THBS1: variants seen among roughly 807,000 people sequenced by gnomAD.
THBS1 encodes the protein thrombospondin 1.
In THBS1, 29 loss-of-function variants were observed where a neutral mutation model predicts 126.1. The ratio of observed to expected loss-of-function variants is 0.23; its 90% confidence interval spans 0.17 to 0.31. The LOEUF is 0.31. Ranked by LOEUF, THBS1 falls within the 10% of genes least tolerant of loss-of-function variation. The pLI is 1.00. For missense variants in THBS1, 1,198 were observed against 1,545.2 expected (o/e 0.78, Z 3.77); for synonymous variants, 496 against 577.8 (o/e 0.86, Z 2.03).
chr15:39,583,806 C>T, intron 4 of THBS1, 114 bp downstream of exon 4: 6 of 1,287,990 alleles, frequency 4.7e-6, no homozygotes, highest in Non-Finnish European at 6.6e-6. Context: ...GTGAGATCAT[C>T]AAGAGGCATA....
Position 39,593,605 on chromosome 15 carries a change from C to T in THBS1, c.3204C>T (p.Ser1068=), listed in dbSNP as rs759587446. 12 of 1,614,212 alleles carry T rather than the reference C, an allele frequency of 7.4e-6. No homozygotes were observed. Among genetic ancestry groups the T allele is most frequent in the Non-Finnish European group, 1.0e-5 (12 of 1,180,034 alleles). ...YSGLSVKVVN[S]TTGPGEHLRN... Reference sequence around the variant, plus strand: ...GCCTTTCTGTGAAAGTTGTAAACTCCACCACAGGGCCTGGCGAGCACCTGC... The same window carrying T: ...GCCTTTCTGTGAAAGTTGTAAACTCTACCACAGGGCCTGGCGAGCACCTGC... Residue 1068 remains serine (S), a synonymous_variant, in exon 19 of 22, where the codon TCC becomes TCT. Coordinates refer to ENST00000260356, the MANE Select transcript of THBS1 (RefSeq NM_003246.4). This position sits in a 1 kb window ranked among gnomAD's most constrained non-coding sequence, Gnocchi z 5.9.
rs1890331325 is a variant in THBS1, at chr15:39,591,676, T to C, written c.2532+53T>C. The C allele has an allele frequency of 2.0e-6, 3 of 1,489,534 alleles. No individual in the cohort carries two copies. The Admixed American group carries it at 5.0e-5, about 25-fold the overall frequency. The allele number at this position is 1,489,534 out of a possible 1,614,324, so 92.3% of individuals were successfully genotyped here. A position where few individuals can be genotyped will look rare whatever the true frequency, so the allele number is the denominator to read the frequency against. The stretch of plus-strand genomic sequence containing the variant: ...TTTCAGTAAACTGTTGGAATATCCC[T>C]TTCATGGCCTTTGAAAAATGAGCTT... On this transcript the variant is annotated intron_variant, in intron 16 of 21. Transcript: ENST00000260356.
intron 9 of THBS1, 79 bp downstream of exon 9, chr15:39,588,297 G>A (rs1359146006): frequency 6.6e-7 from 1 of 1,517,112 alleles, no homozygotes; most frequent in Non-Finnish European, 8.9e-7. Context: ...GCAGCCTGCA[G>A]TTCAGTGGGT....
At chr15:39,586,003 G>A (rs1175165994) in intron 7 of THBS1, among the ~76,000 whole-genome samples, 1 of 152,192 alleles carries the variant, frequency 6.6e-6, no homozygotes, top group East Asian at 1.9e-4. Flanking sequence ...GTAGGGATAA[G>A]AGGGCCTAAG....
In THBS1 at chr15:39,584,398, T is replaced by C; in HGVS notation, c.1002T>C (p.Asp334=). 6.2e-7 allele frequency: 1 copy of C among 1,614,224 alleles called. No homozygotes were observed. The highest frequency in any genetic ancestry group is 8.5e-7 in the Non-Finnish European group (1 of 1,180,036). ...GAAATAACGAGGAATGGACTGTTGA[T>C]AGCTGCACTGAGTGTCACTGTCAGG... The part of the protein sequence containing the change: ...QYRNNEEWTV[D]SCTECHCQNS... Residue 334 remains aspartate (D), a synonymous_variant, in exon 6 of 22, where the codon GAT becomes GAC. Transcript: ENST00000260356.
Position 39,591,273 on chromosome 15 carries a change from A to G in THBS1, c.2336A>G (p.Tyr779Cys). 6.2e-7 allele frequency: 1 copy of G among 1,614,226 alleles called. No homozygotes were observed. The highest frequency in any genetic ancestry group is 8.5e-7 in the Non-Finnish European group (1 of 1,180,044). ...GGAGACCGCTGTGACAACTGTCCCT[A>G]CAACCACAACCCAGATCAGGCAGAC... ...DVGDRCDNCP[Y>C]NHNPDQADTD... The change falls in exon 15 of 22, where the codon TAC becomes TGC. Residue 779 changes from tyrosine (Y) to cysteine (C), a missense_variant. Transcript: ENST00000260356.
Position 39,581,924 on chromosome 15 carries a change from G to C in THBS1, c.67G>C (p.Glu23Gln). The C allele has an allele frequency of 6.2e-7, 1 of 1,614,100 alleles. No individual in the cohort carries two copies. Among genetic ancestry groups the C allele is most frequent in the Non-Finnish European group, 8.5e-7 (1 of 1,179,994 alleles). ...MHVCGTNRIP[E>Q]SGGDNSVFDI... Reference sequence around the variant, plus strand: ...TGTGTGTGGCACCAACCGCATTCCAGGTGAGTTTGTGTGGCACCTTTAGGG... The same window carrying C: ...TGTGTGTGGCACCAACCGCATTCCACGTGAGTTTGTGTGGCACCTTTAGGG... The change falls in exon 2 of 22, where the codon GAG (glutamate) becomes CAG (glutamine). Residue 23 changes from glutamate to glutamine, a missense_variant and splice_region_variant. Coordinates refer to ENST00000260356, the MANE Select transcript of THBS1 (RefSeq NM_003246.4).
In THBS1 at chr15:39,588,616, A is replaced by G. The variant is rs1410732383; in HGVS notation, c.1562A>G (p.Asn521Ser). 6.2e-7 allele frequency: 1 copy of G among 1,611,312 alleles called. No individual in the cohort carries two copies. Among genetic ancestry groups the G allele is most frequent in the African/African-American group, 1.3e-5 (1 of 74,598 alleles). Reference sequence around the variant, plus strand: ...CAGAAACGTAGTCGTCTCTGCAACAACCCCACACCCCAGTTTGGAGGCAAG... The same window carrying G: ...CAGAAACGTAGTCGTCTCTGCAACAGCCCCACACCCCAGTTTGGAGGCAAG... ...GVQKRSRLCN[N>S]PTPQFGGKDC... Residue 521 changes from asparagine to serine, a missense_variant, in exon 10 of 22, where the codon AAC (asparagine) becomes AGC (serine). By Grantham distance (46) the Asn-to-Ser change is conservative. Transcript: ENST00000260356.
chr15:39,597,263 TTTC>T lies in THBS1; in HGVS notation c.*1897_*1899del, dbSNP rs964563970. 1 of 150,934 alleles carries T rather than the reference TTTC, an allele frequency of 6.6e-6. No individual in the cohort carries two copies. Among genetic ancestry groups the T allele is most frequent in the African/African-American group, 2.4e-5 (1 of 41,116 alleles). 9.3% of individuals were successfully genotyped at this position (150,934 alleles called of 1,614,324 possible). On this transcript the variant is annotated 3_prime_UTR_variant, in exon 22 of 22. Transcript: ENST00000260356. ...CACTGAATTGAAGAATTGTTGGTTT[TTTC>T]TTTTTTTTGTTTTGTTTTTTTTTTT... is the stretch of plus-strand genomic sequence containing the variant.
At chr15:39,582,777 C>A in intron 3 of THBS1, 25 bp downstream of exon 3, 2 of 1,579,134 alleles carry the variant, frequency 1.3e-6, no homozygotes, top group Non-Finnish European at 1.7e-6. Flanking sequence ...CTGAGCCCTG[C>A]TCCGTGGGAT....
intron 14 of THBS1, 190 bp downstream of exon 14, chr15:39,590,813 G>A: frequency 1.7e-6 from 1 of 584,454 alleles, no homozygotes; most frequent in South Asian, 2.2e-5. Context: ...TTTAAATGAG[G>A]GTTTTGTTTT....
chr15:39,594,286 T>C lies in THBS1; in HGVS notation c.3366-15T>C, dbSNP rs1023604453. The C allele has an allele frequency of 3.7e-6, 6 of 1,613,834 alleles. No individual in the cohort carries two copies. The highest frequency in any genetic ancestry group is 5.1e-6 in the Non-Finnish European group (6 of 1,179,976). On this transcript the variant is annotated splice_polypyrimidine_tract_variant and intron_variant, in intron 20 of 21. Transcript: ENST00000260356. The surrounding 1 kb of genome is among the most constrained non-coding windows in gnomAD (Gnocchi z 4.4). The stretch of plus-strand genomic sequence containing the variant: ...AAATAGCATTGTCACTAAACAAGAT[T>C]TTTTTTCCCTGCAGAGTGGTGATGT...
In THBS1 at chr15:39,590,817, T is replaced by C. The variant is rs891525144; in HGVS notation, c.2253+194T>C. 162 of 583,858 alleles carry C rather than the reference T, an allele frequency of 2.8e-4. 1 individual carries two copies. The highest frequency in any genetic ancestry group is 4.1e-4 in the Non-Finnish European group (139 of 338,558). The allele number at this position is 583,858 out of a possible 1,614,324, so 36.2% of individuals were successfully genotyped here. On this transcript the variant is annotated intron_variant, in intron 14 of 21. Coordinates refer to ENST00000260356, the MANE Select transcript of THBS1 (RefSeq NM_003246.4). Reference sequence around the variant, plus strand: ...CCAAGAGAATTTTTAAATGAGGGTTTTGTTTTTCATCAGAACTGTTTTTCT... The same window carrying C: ...CCAAGAGAATTTTTAAATGAGGGTTCTGTTTTTCATCAGAACTGTTTTTCT...
intron 14 of THBS1, 21 bp downstream of exon 14, chr15:39,590,644 CT>C: frequency 1.3e-6 from 2 of 1,599,208 alleles, no homozygotes; most frequent in Admixed American, 1.7e-5. Context: ...TTTTCTATCC[CT>C]TTTTCATCTT....
At chr15:39,583,952 GTATC>G in intron 4 of THBS1, 32 bp from the exon 5 acceptor site, 1 of 1,610,254 alleles carries the variant, frequency 6.2e-7, no homozygotes, top group Non-Finnish European at 8.5e-7. Flanking sequence ...GTTGGTAAGA[GTATC>G]TATTTGAAGT....
intron 7 of THBS1, among the ~76,000 whole-genome samples, chr15:39,585,939 C>T (rs1890200231): frequency 6.6e-6 from 1 of 152,186 alleles, no homozygotes; most frequent in Non-Finnish European, 1.5e-5. Context: ...TATTGACAGG[C>T]TTACTGTGTA....
At position 39,588,988 on chromosome 15, in the gene THBS1, G is replaced by T. The variant is rs138498839; in HGVS notation, c.1675G>T (p.Gly559Cys). 6.2e-7 allele frequency: 1 copy of T among 1,614,032 alleles called. No individual in the cohort carries two copies. Among genetic ancestry groups the T allele is most frequent in the Admixed American group, 1.7e-5 (1 of 60,010 alleles). Residue 559 changes from glycine (G) to cysteine (C), a missense_variant, in exon 11 of 22, where the codon GGC becomes TGC. This residue lies in a region of THBS1 where 663 missense variants were observed against 860.1 expected (regional missense o/e 0.77). Transcript: ENST00000260356. ...ATGCCTGTCCAATCCCTGCTTTGCCGGCGTGAAGTGTACTAGCTACCCTGA... is the reference window on the plus strand; with the variant it reads ...ATGCCTGTCCAATCCCTGCTTTGCCTGCGTGAAGTGTACTAGCTACCCTGA... ...DGCLSNPCFA[G>C]VKCTSYPDGS...
rs1167442375 is a variant in THBS1, at chr15:39,590,593, C to T, written c.2223C>T (p.Asp741=). ...KDGIGDACDD[D]DDNDKIPDDR... ...GAATTGGTGATGCCTGTGATGATGA[C>T]GATGACAATGATAAAATTCCAGATG... Residue 741 remains aspartate, a synonymous_variant, in exon 14 of 22, where the codon GAC becomes GAT. Transcript: ENST00000260356. The T allele has an allele frequency of 1.4e-5, 23 of 1,613,402 alleles. No individual in the cohort carries two copies. Among genetic ancestry groups the T allele is most frequent in the South Asian group, 4.4e-5 (4 of 90,932 alleles).
At position 39,583,321 on chromosome 15, in the gene THBS1, A is replaced by G. The variant is rs548071679; in HGVS notation, c.628-296A>G. On this transcript the variant is annotated intron_variant, in intron 3 of 21. Transcript: ENST00000260356. The stretch of plus-strand genomic sequence containing the variant: ...CCCACATTTAACTCTTTGACACTGG[A>G]AAGTGTCATTATATCCTCTAGGCTT... Among the ~76,000 whole-genome samples, 188 of 152,312 alleles carry G rather than the reference A, an allele frequency of 1.2e-3. 1 individual carries two copies. The highest frequency in any genetic ancestry group is 2.1e-3 in the Non-Finnish European group (141 of 68,036).
Sources: gnomAD v4.1 joint callset for allele counts (sites outside exome capture counted in the v4.1 genomes callset) on GRCh38, gnomAD v4.1.1 for gene constraint, gnomAD v4.1.1 regional missense constraint, Gnocchi (gnomAD v3.1) non-coding constraint, MANE v1.5 for transcripts, NCBI Gene and HGNC (gene_info 2026-07-23, HGNC 2026-07-21) for gene names.